Variants in SPON1 observed in about 807,000 individuals in gnomAD.
The protein encoded by SPON1 is spondin 1, also known as spondin-1.
A neutral mutation model predicts 111.7 loss-of-function variants in SPON1; 52 were observed. That is an observed-to-expected ratio of 0.47 (90% confidence interval 0.37 to 0.59). The LOEUF (loss-of-function observed/expected upper bound fraction) is 0.59. Among genes scored for constraint, SPON1 ranks in the 20% least tolerant of loss-of-function variants. The probability of loss-of-function intolerance (pLI) is 0.00; values close to 1 mark genes in which losing one functional copy is unlikely to be tolerated. For missense variants in SPON1, 957 were observed against 1,068.5 expected (o/e 0.90, Z 1.46); for synonymous variants, 410 against 395.8 (o/e 1.04, Z -0.43).
chr11:13,982,862 C>T lies in SPON1; in HGVS notation c.254C>T (p.Ala85Val). ...GTSYRVTLSAAPPSYFRGFTL... is the reference protein window; with the variant it reads ...GTSYRVTLSAVPPSYFRGFTL... ...CTCTCTGCAGTAACACTTTCAGCTG[C>T]TCCTCCCTCCTACTTCAGAGGATTC... Residue 85 changes from alanine (A) to valine (V), a missense_variant, in exon 2 of 16, where the codon GCT (alanine) becomes GTT (valine). Transcript: ENST00000576479. 3 of 1,558,756 alleles carry T rather than the reference C, an allele frequency of 1.9e-6. No homozygotes were observed. The highest frequency in any genetic ancestry group is 1.7e-6 in the Non-Finnish European group (2 of 1,150,012).
chr11:14,163,066 G>A (rs1438127959), intron 6 of SPON1, among the ~76,000 whole-genome samples: 1 of 152,122 alleles, frequency 6.6e-6, no homozygotes, highest in Non-Finnish European at 1.5e-5. Context: ...ACATTCACTG[G>A]CATGATTTCA....
chr11:14,252,259 C>A (rs987077807), intron 7 of SPON1, among the ~76,000 whole-genome samples: 9 of 152,170 alleles, frequency 5.9e-5, no homozygotes, highest in Non-Finnish European at 1.3e-4. Context: ...GCTATGGAGA[C>A]CTGCGCAGAG....
intron 6 of SPON1, among the ~76,000 whole-genome samples, chr11:14,189,682 G>A (rs1029922541): frequency 2.0e-5 from 3 of 152,148 alleles, no homozygotes; most frequent in Non-Finnish European, 4.4e-5. Flanking sequence ...TATTTTCTCA[G>A]GTGTCCAAAA....
rs1554941674 is a variant in SPON1 at position 14,259,491 on chromosome 11, G to T, written c.1663+41G>T. 1.3e-6 allele frequency: 2 copies of T among 1,579,650 alleles called. No homozygotes were observed. The highest frequency in any genetic ancestry group is 2.3e-5 in the East Asian group (1 of 43,074). ...GGGCGGGCAGGCGGGCAAGTAGGTCGGGGAGGCAGCAGGTGCGACTCCAAT... is the reference window on the plus strand; with the variant it reads ...GGGCGGGCAGGCGGGCAAGTAGGTCTGGGAGGCAGCAGGTGCGACTCCAAT... On this transcript the variant is annotated intron_variant, in intron 12 of 15. Coordinates refer to ENST00000576479, the MANE Select transcript of SPON1 (RefSeq NM_006108.4). The surrounding 1 kb of genome is among the most constrained non-coding windows in gnomAD (Gnocchi z 5.0).
At chr11:14,115,655 T>C (rs1279129998) in intron 5 of SPON1, among the ~76,000 whole-genome samples, 1 of 152,232 alleles carries the variant, frequency 6.6e-6, no homozygotes, top group African/African-American at 2.4e-5. Flanking sequence ...CCGCTTTTCA[T>C]TTATCTATCC....
At chr11:14,256,266 A>G (rs181594532) in intron 9 of SPON1, among the ~76,000 whole-genome samples, 33 of 152,346 alleles carry the variant, frequency 2.2e-4, no homozygotes, top group African/African-American at 6.7e-4. Context: ...AAAAGAAAAA[A>G]AAAGAAAATG....
chr11:14,150,753 G>A (rs1847777532), intron 6 of SPON1, among the ~76,000 whole-genome samples: 1 of 152,122 alleles, frequency 6.6e-6, no homozygotes, highest in South Asian at 2.1e-4. Context: ...AGAAAAATAG[G>A]TGATTCCACT....
At chr11:14,177,256 G>A (rs1306388014) in intron 6 of SPON1, among the ~76,000 whole-genome samples, 5 of 152,088 alleles carry the variant, frequency 3.3e-5, no homozygotes, top group Admixed American at 1.3e-4. Context: ...TAGCCAGGAT[G>A]GTCTCGATCT....
intron 6 of SPON1, among the ~76,000 whole-genome samples, chr11:14,147,937 A>G (rs1249692298): frequency 1.3e-5 from 2 of 152,214 alleles, no homozygotes; most frequent in African/African-American, 4.8e-5. Flanking sequence ...TTCATTTACA[A>G]TCATAGAAAT....
At chr11:14,140,800 A>G (rs1554928684) in intron 6 of SPON1, among the ~76,000 whole-genome samples, 1 of 151,968 alleles carries the variant, frequency 6.6e-6, no homozygotes, top group Non-Finnish European at 1.5e-5. Flanking sequence ...GTCCCACCCA[A>G]GTTTTTATGT....
chr11:14,133,977 G>GC (rs1847560562), intron 5 of SPON1, among the ~76,000 whole-genome samples: 1 of 152,026 alleles, frequency 6.6e-6, no homozygotes, highest in Non-Finnish European at 1.5e-5. Flanking sequence ...GGAGCAGAGG[G>GC]CCATGGGGAA....
chr11:14,162,558 GT>G lies in SPON1; in HGVS notation c.825+26994del, dbSNP rs782133273. On this transcript the variant is annotated intron_variant, in intron 6 of 15. Transcript: ENST00000576479. ...AACCATCTGAGTATAGAACTCCTGA[GT>G]TTTACAACTTTTCCCAATCTTTTAC... is the stretch of plus-strand genomic sequence containing the variant. Among the ~76,000 whole-genome samples, 5 of 152,150 alleles carry G rather than the reference GT, an allele frequency of 3.3e-5. No individual in the cohort carries two copies. The East Asian group carries it at 7.7e-4, about 23-fold the overall frequency.
chr11:14,116,438 T>C (rs1849267669), intron 5 of SPON1, among the ~76,000 whole-genome samples: 1 of 152,136 alleles, frequency 6.6e-6, no homozygotes, highest in Admixed American at 6.6e-5. Context: ...GAGTCAATAG[T>C]CTTTCTGAAT....
At chr11:13,972,522 A>C (rs1848070955) in intron 1 of SPON1, among the ~76,000 whole-genome samples, 1 of 152,180 alleles carries the variant, frequency 6.6e-6, no homozygotes, top group African/African-American at 2.4e-5. Context: ...AGGTCTTGTA[A>C]GTCTTTATCA....
At chr11:14,234,003 A>G (rs1277569983) in intron 6 of SPON1, among the ~76,000 whole-genome samples, 1 of 152,178 alleles carries the variant, frequency 6.6e-6, no homozygotes, top group East Asian at 1.9e-4. Flanking sequence ...CAGGTGATCC[A>G]TCAACCTTGG....
chr11:14,002,410 A>G (rs1848326251), intron 2 of SPON1, among the ~76,000 whole-genome samples: 1 of 152,136 alleles, frequency 6.6e-6, no homozygotes, highest in Admixed American at 6.5e-5. Flanking sequence ...GAGCACCTTA[A>G]GAAACACATA....
intron 6 of SPON1, among the ~76,000 whole-genome samples, chr11:14,174,904 T>C (rs1224394642): frequency 6.6e-6 from 1 of 152,216 alleles, no homozygotes; most frequent in Non-Finnish European, 1.5e-5. Flanking sequence ...TTCTAGCTTC[T>C]AAACTTTATG....
intron 6 of SPON1, among the ~76,000 whole-genome samples, chr11:14,225,038 G>A (rs568708504): frequency 2.6e-5 from 4 of 152,252 alleles, no homozygotes; most frequent in South Asian, 4.2e-4. Flanking sequence ...GGCTGAGGGC[G>A]CCATTCCTTT....
At chr11:14,230,712 A>G (rs1226132427) in intron 6 of SPON1, among the ~76,000 whole-genome samples, 2 of 152,186 alleles carry the variant, frequency 1.3e-5, no homozygotes, top group Non-Finnish European at 2.9e-5. Flanking sequence ...CCTGGGAAAC[A>G]GGCTTGGATG....
Sources: gnomAD v4.1 joint callset for allele counts (sites outside exome capture counted in the v4.1 genomes callset) on GRCh38, gnomAD v4.1.1 for gene constraint, Gnocchi (gnomAD v3.1) non-coding constraint, MANE v1.5 for transcripts, NCBI Gene and HGNC (gene_info 2026-07-23, HGNC 2026-07-21) for gene names.